The following HUWE1 variants were observed in gnomAD, a reference collection of about 807,000 sequenced individuals.
The protein encoded by HUWE1 is E3 ubiquitin-protein ligase HUWE1.
HUWE1 carries 18 observed loss-of-function variants against 299.4 expected under a neutral mutation model. That is an observed-to-expected ratio of 0.06 (90% CI 0.04 to 0.09). HUWE1 has a LOEUF of 0.09. Among genes scored for constraint, HUWE1 ranks in the 10% least tolerant of loss-of-function variants. The pLI, the probability that HUWE1 is intolerant of heterozygous loss-of-function variation, is 1.00. For missense variants in HUWE1, 1,832 were observed against 3,462.3 expected (o/e 0.53, Z 11.82); for synonymous variants, 1,317 against 1,286.1 (o/e 1.02, Z -0.51).
At chrX:53,557,488 T>C in intron 59 of HUWE1, 61 bp from the exon 60 acceptor site, 2 of 931,735 alleles carry the variant, frequency 2.1e-6, no homozygotes, top group Non-Finnish European at 3.1e-6. Flanking sequence ...AGAGGTCAAC[T>C]GTAATAGTCA....
intron 3 of HUWE1, among the ~76,000 whole-genome samples, chrX:53,668,137 G>A (rs2069338542): frequency 9.0e-6 from 1 of 110,585 alleles, no homozygotes; most frequent in Admixed American, 9.7e-5. Flanking sequence ...GAAACAAGCA[G>A]CATCTCTAAA....
chrX:53,534,600 C>G lies in HUWE1; in HGVS notation c.12747G>C (p.Leu4249=), dbSNP rs1317504540. 1.7e-6 allele frequency: 2 copies of G among 1,209,915 alleles called. No homozygotes were observed. Among genetic ancestry groups the G allele is most frequent in the Admixed American group, 2.2e-5 (1 of 46,024 alleles). Residue 4249 remains leucine (L), a synonymous_variant, in exon 82 of 84, where the codon CTG becomes CTC. Coordinates refer to ENST00000262854, the MANE Select transcript of HUWE1 (RefSeq NM_031407.7). ...ISIFTEQELE[L]LISGLPTIDI... is the part of the protein sequence containing the mutation. ...CAATGGTGGGCAGTCCTGATATAAG[C>G]AGCTCTAACTCCTGCTCAGTGAAGA...
At position 53,654,051 on chromosome X, in the gene HUWE1, T is replaced by C. The variant is rs782498106; in HGVS notation, c.45+12A>G. ...AAGAAAAAATAAGCAAAGTAAACTT[T>C]TGGATACTTACAGCCTCAGTAGGTG... On this transcript the variant is annotated intron_variant, in intron 4 of 83. Transcript: ENST00000262854. The C allele has an allele frequency of 6.1e-6, 7 of 1,151,638 alleles. No individual in the cohort carries two copies. The highest frequency in any genetic ancestry group is 8.3e-6 in the Non-Finnish European group (7 of 844,386). 94.9% of individuals were successfully genotyped at this position (1,151,638 alleles called of 1,213,427 possible).
chrX:53,594,455 CAAA>C, intron 31 of HUWE1, 41 bp downstream of exon 31: 2 of 1,199,251 alleles, frequency 1.7e-6, no homozygotes, highest in Non-Finnish European at 1.1e-6. Context: ...CAGCAAAGAT[CAAA>C]CTCCAAGAAA....
intron 11 of HUWE1, 114 bp downstream of exon 11, chrX:53,631,300 G>T: frequency 1.6e-6 from 1 of 615,759 alleles, no homozygotes; most frequent in Non-Finnish European, 2.6e-6. Flanking sequence ...TTTGCCCATG[G>T]TCTGACTCCA....
rs181683873 is a variant in HUWE1, at chrX:53,671,851, C to T, written c.-25+8198G>A. On this transcript the variant is annotated intron_variant, in intron 3 of 83. Coordinates refer to ENST00000262854, the MANE Select transcript of HUWE1 (RefSeq NM_031407.7). ...TATACATAATGACAGAGACATGGAA[C>T]GGGTCAATACGTGGGAAGAGCAAAT... Among the ~76,000 whole-genome samples the T allele has an allele frequency of 3.5e-3, 330 of 93,728 alleles. 1 individual carries two copies. Among genetic ancestry groups the T allele is most frequent in the African/African-American group, 0.012 (310 of 25,365 alleles). 81.4% of individuals were successfully genotyped at this position (93,728 alleles called of 115,157 possible).
At chrX:53,589,273 CA>C (rs1250160467) in intron 36 of HUWE1, among the ~76,000 whole-genome samples, 3 of 111,738 alleles carry the variant, frequency 2.7e-5, no homozygotes, top group Non-Finnish European at 5.6e-5. Context: ...AGTATTAGTC[CA>C]GGGGACGAAC....
In HUWE1 at chrX:53,548,279, G is replaced by A. The variant is rs782257149; in HGVS notation, c.10036-6C>T. ...GTGAAGTGGCTGGGAAATACCTGCC[G>A]GGAAAAGGAGGACAAGGCTTGGTCT... On this transcript the variant is annotated splice_region_variant and splice_polypyrimidine_tract_variant and intron_variant, in intron 67 of 83. Transcript: ENST00000262854. The A allele has an allele frequency of 4.1e-5, 49 of 1,205,612 alleles. 1 individual carries two copies. The South Asian group carries it at 5.5e-4, about 14-fold the overall frequency.
chrX:53,569,872 G>A, intron 47 of HUWE1, 45 bp from the exon 48 acceptor site: 1 of 1,075,900 alleles, frequency 9.3e-7, no homozygotes, highest in Non-Finnish European at 1.3e-6. Flanking sequence ...GCACAATTAT[G>A]CCATATCATT....
At chrX:53,685,914 G>A (rs1557055478) in intron 2 of HUWE1, among the ~76,000 whole-genome samples, 1 of 111,892 alleles carries the variant, frequency 8.9e-6, no homozygotes, top group Non-Finnish European at 1.9e-5. Context: ...CCCCAACAGA[G>A]AAACAAGCTA....
intron 7 of HUWE1, among the ~76,000 whole-genome samples, chrX:53,638,759 A>G (rs1557028243): frequency 2.7e-5 from 3 of 112,061 alleles, no homozygotes; most frequent in Non-Finnish European, 3.8e-5. Context: ...ATTTTTTAAT[A>G]AAGTGATTCT....
At position 53,533,149 on chromosome X, in the gene HUWE1, G is replaced by A. The variant is rs2060843321; in HGVS notation, c.*160C>T. On this transcript the variant is annotated 3_prime_UTR_variant, in exon 84 of 84. Coordinates refer to ENST00000262854, the MANE Select transcript of HUWE1 (RefSeq NM_031407.7). The stretch of plus-strand genomic sequence containing the variant: ...CGGGGAGAGAATGAGAAGAGGAACA[G>A]GTATGCGCTGGGGAAGATGGGGCAG... 2.1e-6 allele frequency: 1 copy of A among 471,053 alleles called. No homozygotes were observed. Among genetic ancestry groups the A allele is most frequent in the African/African-American group, 2.4e-5 (1 of 40,953 alleles). 38.8% of individuals were successfully genotyped at this position (471,053 alleles called of 1,213,427 possible). A position where few individuals can be genotyped will look rare whatever the true frequency, so the allele number is the denominator to read the frequency against.
intron 19 of HUWE1, among the ~76,000 whole-genome samples, chrX:53,621,729 T>TGTATTA (rs1407584481): frequency 8.9e-6 from 1 of 111,803 alleles, no homozygotes; most frequent in Non-Finnish European, 1.9e-5. Context: ...ATTGTATCTA[T>TGTATTA]GTATTAGTAA....
intron 67 of HUWE1, among the ~76,000 whole-genome samples, chrX:53,548,653 C>A (rs1404223576): frequency 8.9e-6 from 1 of 112,667 alleles, no homozygotes; most frequent in East Asian, 2.8e-4. Context: ...AATTCTAGGT[C>A]CAGCTCCATC....
chrX:53,654,651 C>T (rs781990317), intron 3 of HUWE1, among the ~76,000 whole-genome samples: 2 of 111,968 alleles, frequency 1.8e-5, no homozygotes, highest in South Asian at 3.7e-4. Flanking sequence ...GTCCAAAATA[C>T]GACTGGTTTA....
intron 36 of HUWE1, among the ~76,000 whole-genome samples, 158 bp from the exon 37 acceptor site, chrX:53,588,692 A>T (rs1217285684): frequency 8.9e-6 from 1 of 112,458 alleles, no homozygotes; most frequent in Non-Finnish European, 1.9e-5. Flanking sequence ...TTTAGAATCT[A>T]TATCAAAAGA....
At chrX:53,617,520 A>T (rs1390857738) in intron 19 of HUWE1, 74 bp from the exon 20 acceptor site, 5 of 569,549 alleles carry the variant, frequency 8.8e-6, no homozygotes, top group Non-Finnish European at 1.5e-5. Context: ...CCAAAAGCTT[A>T]AAAAAAAATA....
chrX:53,599,904 A>G (rs184828710), intron 29 of HUWE1, among the ~76,000 whole-genome samples: 21 of 112,128 alleles, frequency 1.9e-4, no homozygotes, highest in African/African-American at 1.3e-4. Flanking sequence ...AGGGTAGTAG[A>G]TATGGCTCTC....
chrX:53,665,324 G>A (rs1292481067), intron 3 of HUWE1, among the ~76,000 whole-genome samples: 1 of 112,203 alleles, frequency 8.9e-6, no homozygotes, highest in Non-Finnish European at 1.9e-5. Context: ...ATTATTTGCA[G>A]AAATACCTTG....
Sources: gnomAD v4.1 joint callset for allele counts (sites outside exome capture counted in the v4.1 genomes callset) on GRCh38, gnomAD v4.1.1 for gene constraint, MANE v1.5 for transcripts, NCBI Gene and HGNC (gene_info 2026-07-23, HGNC 2026-07-21) for gene names.